The following CPNE8 variants were observed in gnomAD, a reference collection of about 807,000 sequenced individuals.
CPNE8 encodes the protein copine-8.
In CPNE8, 45 loss-of-function variants were observed where a neutral mutation model predicts 81.5. The observed-to-expected ratio is 0.55, with a 90% CI of 0.44 to 0.71. The LOEUF (loss-of-function observed/expected upper bound fraction) is 0.71, where lower values mean the gene tolerates loss of function less well. Among genes scored for constraint, CPNE8 ranks in the 30% least tolerant of loss-of-function variants. The probability of loss-of-function intolerance (pLI) is 0.00; values close to 1 mark genes in which losing one functional copy is unlikely to be tolerated. For missense variants in CPNE8, 594 were observed against 672.1 expected (o/e 0.88, Z 1.28); for synonymous variants, 252 against 226.3 (o/e 1.11, Z -1.02).
intron 10 of CPNE8, among the ~76,000 whole-genome samples, chr12:38,743,329 G>A (rs570380707): frequency 1.6e-3 from 236 of 152,122 alleles, no homozygotes; most frequent in African/African-American, 5.5e-3. Context: ...AAATGTCAAA[G>A]TCGGTGAAAT....
At chr12:38,799,662 GC>G (rs1159375299) in intron 6 of CPNE8, among the ~76,000 whole-genome samples, 1 of 151,954 alleles carries the variant, frequency 6.6e-6, no homozygotes, top group Non-Finnish European at 1.5e-5. Context: ...AGTCAAGATG[GC>G]CGAATAGGAA....
chr12:38,900,942 A>AG (rs1452738910), intron 1 of CPNE8, among the ~76,000 whole-genome samples: 1 of 152,194 alleles, frequency 6.6e-6, no homozygotes, highest in East Asian at 1.9e-4. Flanking sequence ...AGTATTGGCC[A>AG]GGGGGGCAGT....
chr12:38,786,736 G>T (rs1167807063), intron 6 of CPNE8, among the ~76,000 whole-genome samples: 1 of 152,076 alleles, frequency 6.6e-6, no homozygotes, highest in African/African-American at 2.4e-5. Context: ...ACTATCAAAA[G>T]AGACAAAGAA....
chr12:38,679,046 T>G (rs1222111365), intron 16 of CPNE8, among the ~76,000 whole-genome samples: 1 of 151,910 alleles, frequency 6.6e-6, no homozygotes, highest in Non-Finnish European at 1.5e-5. Flanking sequence ...TTTTTAAATA[T>G]CCATTATTTT....
chr12:38,670,751 T>C lies in CPNE8; in HGVS notation c.1484A>G (p.Tyr495Cys). 6.2e-7 allele frequency: 1 copy of C among 1,608,888 alleles called. No individual in the cohort carries two copies. The highest frequency in any genetic ancestry group is 2.2e-5 in the East Asian group (1 of 44,526). The stretch of plus-strand genomic sequence containing the variant: ...TACCTGCACAATGTCTCTTTCAGCA[T>C]ATTTTCCTCTAGAGGAGACTCTTAC... ...DDVRVSSRGK[Y>C]AERDIVQFVP... The change falls in exon 19 of 20, where the codon TAT becomes TGT. Residue 495 changes from tyrosine to cysteine, a missense_variant. Coordinates refer to ENST00000331366, the MANE Select transcript of CPNE8 (RefSeq NM_153634.3).
At chr12:38,824,339 A>G (rs1943153656) in intron 6 of CPNE8, among the ~76,000 whole-genome samples, 1 of 152,136 alleles carries the variant, frequency 6.6e-6, no homozygotes, top group Admixed American at 6.6e-5. Flanking sequence ...TACATACAAC[A>G]AACCATTTTA....
intron 10 of CPNE8, among the ~76,000 whole-genome samples, chr12:38,739,068 TC>T (rs1677497130): frequency 6.6e-6 from 1 of 152,140 alleles, no homozygotes; most frequent in Non-Finnish European, 1.5e-5. Context: ...TGCCTTGGCT[TC>T]CCAAAGTGCT....
intron 16 of CPNE8, among the ~76,000 whole-genome samples, chr12:38,684,382 G>C (rs1939484002): frequency 6.6e-6 from 1 of 152,062 alleles, no homozygotes; most frequent in Non-Finnish European, 1.5e-5. Context: ...CATTTCATGA[G>C]TAACTTTTTT....
chr12:38,668,439 T>C (rs1416185854), intron 19 of CPNE8, among the ~76,000 whole-genome samples: 2 of 152,202 alleles, frequency 1.3e-5, no homozygotes, highest in Non-Finnish European at 2.9e-5. Context: ...ACATAACCTA[T>C]TGGTCTTCTG....
At chr12:38,847,158 C>T (rs974061532) in intron 4 of CPNE8, among the ~76,000 whole-genome samples, 1 of 151,806 alleles carries the variant, frequency 6.6e-6, no homozygotes, top group Non-Finnish European at 1.5e-5. Flanking sequence ...ATGTCTATAT[C>T]ACTTAAAGTT....
At chr12:38,758,611 C>A (rs1309356402) in intron 10 of CPNE8, among the ~76,000 whole-genome samples, 2 of 152,274 alleles carry the variant, frequency 1.3e-5, no homozygotes, top group Middle Eastern at 3.4e-3. Context: ...CAAGTTACTT[C>A]TTTGCCTCAG....
At chr12:38,806,337 G>GC (rs1942801273) in intron 6 of CPNE8, among the ~76,000 whole-genome samples, 1 of 149,670 alleles carries the variant, frequency 6.7e-6, no homozygotes, top group Non-Finnish European at 1.5e-5. Context: ...GATGAACATT[G>GC]ATGCAAAAAT....
intron 3 of CPNE8, among the ~76,000 whole-genome samples, chr12:38,865,709 C>T (rs1277297684): frequency 2.0e-5 from 3 of 152,034 alleles, no homozygotes; most frequent in Admixed American, 2.0e-4. Flanking sequence ...ATTCATTGTG[C>T]TGTATAATTT....
chr12:38,906,718 A>G, upstream of CPNE8: 5 of 560,392 alleles, frequency 8.9e-6, no homozygotes, highest in Non-Finnish European at 1.1e-5. Flanking sequence ...CCTCCACTGC[A>G]GGGACCTTTG....
At chr12:38,692,812 T>C (rs1423069558) in intron 15 of CPNE8, among the ~76,000 whole-genome samples, 6 of 152,202 alleles carry the variant, frequency 3.9e-5, no homozygotes, top group Non-Finnish European at 8.8e-5. Context: ...GAAGTGAAGG[T>C]TAATTCCTCT....
intron 10 of CPNE8, among the ~76,000 whole-genome samples, chr12:38,754,598 T>C (rs1013052783): frequency 1.3e-5 from 2 of 151,316 alleles, no homozygotes; most frequent in Non-Finnish European, 2.9e-5. Context: ...TGTACAGAAG[T>C]TAAAAATTGA....
At chr12:38,709,479 C>T (rs1233363639) in intron 13 of CPNE8, among the ~76,000 whole-genome samples, 3 of 152,176 alleles carry the variant, frequency 2.0e-5, no homozygotes, top group Non-Finnish European at 4.4e-5. Context: ...TACTTTCACT[C>T]ATGATTCACG....
chr12:38,735,253 C>T (rs1487387183), intron 10 of CPNE8, among the ~76,000 whole-genome samples: 1 of 101,846 alleles, frequency 9.8e-6, no homozygotes, highest in African/African-American at 3.2e-5. Context: ...GGAGCAGTCA[C>T]GAAAATGAAA....
intron 13 of CPNE8, among the ~76,000 whole-genome samples, chr12:38,710,978 C>T (rs1249484772): frequency 6.6e-6 from 1 of 152,080 alleles, no homozygotes; most frequent in Admixed American, 6.6e-5. Context: ...CTTTTAATTG[C>T]CCACCACTGT....
Sources: allele counts gnomAD v4.1 joint callset (sites outside exome capture counted in the v4.1 genomes callset), GRCh38; gene constraint gnomAD v4.1.1; transcripts MANE v1.5; gene names NCBI Gene and HGNC (gene_info 2026-07-23, HGNC 2026-07-21).